LARP1: variants seen among roughly 807,000 people sequenced by gnomAD.
LARP1 encodes la-related protein 1.
In LARP1, 36 loss-of-function variants were observed where a neutral mutation model predicts 122.7. The ratio of observed to expected loss-of-function variants is 0.29; its 90% confidence interval spans 0.22 to 0.39. The LOEUF (loss-of-function observed/expected upper bound fraction) is 0.39, where lower values mean the gene tolerates loss of function less well. Ranked by LOEUF, LARP1 falls within the 10% of genes least tolerant of loss-of-function variation. The probability of loss-of-function intolerance (pLI) is 1.00; values close to 1 mark genes in which losing one functional copy is unlikely to be tolerated. For missense variants in LARP1, 1,040 were observed against 1,403.6 expected (o/e 0.74, Z 4.14); for synonymous variants, 539 against 528.7 (o/e 1.02, Z -0.27).
intron 1 of LARP1, among the ~76,000 whole-genome samples, chr5:154,747,803 G>T (rs999333530): frequency 6.6e-6 from 1 of 152,170 alleles, no homozygotes; most frequent in African/African-American, 2.4e-5. Flanking sequence ...GGCGGAGACT[G>T]CAGTGAGCCA....
intron 1 of LARP1, among the ~76,000 whole-genome samples, chr5:154,782,257 G>C (rs1756511102): frequency 6.6e-6 from 1 of 152,230 alleles, no homozygotes; most frequent in Non-Finnish European, 1.5e-5. Flanking sequence ...TATTATTACT[G>C]TTCTAACTAG....
intron 1 of LARP1, among the ~76,000 whole-genome samples, chr5:154,722,682 T>G (rs1755949500): frequency 6.7e-6 from 1 of 148,606 alleles, no homozygotes; most frequent in Admixed American, 6.7e-5. Flanking sequence ...TCCTAGGTTT[T>G]TTTTTTTTTT....
chr5:154,789,251 G>C (rs1238125468), intron 1 of LARP1, among the ~76,000 whole-genome samples: 2 of 99,580 alleles, frequency 2.0e-5, no homozygotes, highest in Admixed American at 2.7e-4. Context: ...AGACAGTCTT[G>C]CTCCGTCGCC....
intron 1 of LARP1, among the ~76,000 whole-genome samples, chr5:154,767,011 C>G (rs911512826): frequency 6.6e-6 from 1 of 152,200 alleles, no homozygotes; most frequent in African/African-American, 2.4e-5. Flanking sequence ...GGATTCCAGT[C>G]AATTCAAAGT....
intron 1 of LARP1, among the ~76,000 whole-genome samples, chr5:154,741,023 T>A (rs1173535626): frequency 2.0e-5 from 3 of 152,162 alleles, no homozygotes; most frequent in Non-Finnish European, 4.4e-5. Context: ...GGAGAACAGG[T>A]GGCTGTGCAT....
At chr5:154,687,388 G>T (rs192831192) in intron 1 of LARP1, among the ~76,000 whole-genome samples, 88 of 152,224 alleles carry the variant, frequency 5.8e-4, no homozygotes, top group Non-Finnish European at 1.1e-3. Flanking sequence ...TGTGTTGTGT[G>T]TGTGTGTTTG....
Position 154,803,631 on chromosome 5 carries a change from A to G in LARP1, c.2325A>G (p.Pro775=), listed in dbSNP as rs1328925229. 3 of 1,614,024 alleles carry G rather than the reference A, an allele frequency of 1.9e-6. No homozygotes were observed. Among genetic ancestry groups the G allele is most frequent in the South Asian group, 1.1e-5 (1 of 91,078 alleles). ...TACCAACCACTGTCCCAGAGTCACC[A>G]AACTACCGCAACACCAGGACCCCTC... ...RSLPTTVPES[P]NYRNTRTPRT... Residue 775 remains proline, a synonymous_variant, in exon 13 of 19, where the codon CCA becomes CCG. Coordinates refer to ENST00000518297, the MANE Select transcript of LARP1 (RefSeq NM_033551.3). The surrounding 1 kb of genome is among the most constrained non-coding windows in gnomAD (Gnocchi z 4.4).
Position 154,755,828 on chromosome 5 carries a change from TG to T in LARP1, c.73del (p.Val25Ter). 1 of 1,000,390 alleles carries T rather than the reference TG, an allele frequency of 1.0e-6. No individual in the cohort carries two copies. The highest frequency in any genetic ancestry group is 1.2e-6 in the Non-Finnish European group (1 of 838,684). The allele number at this position is 1,000,390 out of a possible 1,614,324, so 62.0% of individuals were successfully genotyped here. A position where few individuals can be genotyped will look rare whatever the true frequency, so the allele number is the denominator to read the frequency against. On this transcript the variant is annotated frameshift_variant, in exon 1 of 19. Transcript: ENST00000518297. LOFTEE classifies it high-confidence loss of function. ...TTGCAGGCCGAAGAGCACGGGGGGC[TG>T]GTGAGGAAGAAGCCGCCGCCGGCGC... ...TLLQAEEHGG[L>X]VRKKPPPAPE...
In LARP1 at chr5:154,791,344, G is replaced by A. The variant is rs538165472; in HGVS notation, c.564+634G>A. On this transcript the variant is annotated intron_variant, in intron 3 of 18. Coordinates refer to ENST00000518297, the MANE Select transcript of LARP1 (RefSeq NM_033551.3). Reference sequence around the variant, plus strand: ...TTCTCCCGCCTCAGCCTCCTGAGTAGCTGGGATTACAGGCACCCACCATCA... The same window carrying A: ...TTCTCCCGCCTCAGCCTCCTGAGTAACTGGGATTACAGGCACCCACCATCA... Among the ~76,000 whole-genome samples, 9 of 152,062 alleles carry A rather than the reference G, an allele frequency of 5.9e-5. No homozygotes were observed. The East Asian group carries it at 1.7e-3, about 29-fold the overall frequency.
Position 154,793,855 on chromosome 5 carries a change from A to G in LARP1, c.924A>G (p.Pro308=). 6.2e-7 allele frequency: 1 copy of G among 1,613,832 alleles called. No homozygotes were observed. The highest frequency in any genetic ancestry group is 1.1e-5 in the South Asian group (1 of 91,084). ...PVAPPTPAWQ[P]EIKPEPAWHD... ...CCCCCCCCACCCCAGCCTGGCAACC[A>G]GAGATCAAACCGGAGCCTGCCTGGC... is the stretch of plus-strand genomic sequence containing the variant. Residue 308 remains proline (P), a synonymous_variant, in exon 6 of 19, where the codon CCA becomes CCG. Coordinates refer to ENST00000518297, the MANE Select transcript of LARP1 (RefSeq NM_033551.3).
chr5:154,793,655 A>T lies in LARP1; in HGVS notation c.800A>T (p.Lys267Ile). ...ATGAAGCCTGAAGTGCCCAGAGAGA[A>T]ACTGGCTTCACGCCCCACTCGCCCA... is the stretch of plus-strand genomic sequence containing the variant. Reference protein sequence around the residue: ...IDMKPEVPREKLASRPTRPPE... With the variant: ...IDMKPEVPREILASRPTRPPE... Residue 267 changes from lysine (K) to isoleucine (I), a missense_variant, in exon 5 of 19, where the codon AAA becomes ATA. By Grantham distance (102) the Lys-to-Ile change is moderately radical. Transcript: ENST00000518297. The T allele has an allele frequency of 6.2e-7, 1 of 1,614,138 alleles. No individual in the cohort carries two copies. Among genetic ancestry groups the T allele is most frequent in the Non-Finnish European group, 8.5e-7 (1 of 1,180,012 alleles).
At chr5:154,710,729 T>A (rs1301250579), upstream of LARP1, among the ~76,000 whole-genome samples, 1 of 113,054 alleles carries the variant, frequency 8.8e-6, no homozygotes, top group African/African-American at 3.7e-5. Context: ...GGCGACAGAG[T>A]GAGACTCCAT....
At chr5:154,723,839 G>A (rs1164476957) in intron 1 of LARP1, among the ~76,000 whole-genome samples, 3 of 152,166 alleles carry the variant, frequency 2.0e-5, no homozygotes, top group Non-Finnish European at 4.4e-5. Context: ...TGCGGAACAA[G>A]TGGGGAGAGA....
rs1365400685 is a variant in LARP1 at position 154,795,159 on chromosome 5, T to C, written c.1233-16T>C. 1 of 1,612,786 alleles carries C rather than the reference T, an allele frequency of 6.2e-7. No homozygotes were observed. The highest frequency in any genetic ancestry group is 2.2e-5 in the East Asian group (1 of 44,884). On this transcript the variant is annotated splice_polypyrimidine_tract_variant and intron_variant, in intron 7 of 18. Coordinates refer to ENST00000518297, the MANE Select transcript of LARP1 (RefSeq NM_033551.3). ...CACCAATCCCTCGGTGATAACTACT[T>C]CTTCCCTCCACTTAGTGAATACTAC...
chr5:154,800,037 C>T lies in LARP1; in HGVS notation c.1711C>T (p.Pro571Ser). 1 of 1,613,130 alleles carries T rather than the reference C, an allele frequency of 6.2e-7. No homozygotes were observed. The highest frequency in any genetic ancestry group is 8.5e-7 in the Non-Finnish European group (1 of 1,179,772). ...KKRPRPSPARPKKSEESRFSH... is the reference protein window; with the variant it reads ...KKRPRPSPARSKKSEESRFSH... The stretch of plus-strand genomic sequence containing the variant: ...GAGGCCTCGGCCATCCCCAGCACGG[C>T]CCAAGGTGGGTGAGGCCTTGTCCCT... Residue 571 changes from proline to serine, a missense_variant, in exon 10 of 19, where the codon CCC becomes TCC. Physicochemically the swap from Pro to Ser is moderately conservative, Grantham distance 74. Transcript: ENST00000518297.
intron 1 of LARP1, among the ~76,000 whole-genome samples, chr5:154,722,130 G>A (rs200053950): frequency 1.3e-5 from 2 of 152,150 alleles, no homozygotes; most frequent in East Asian, 3.8e-4. Context: ...CTACTGTAAA[G>A]TCCTTAGTGA....
At chr5:154,739,010 TTTTG>T (rs752425603) in intron 1 of LARP1, among the ~76,000 whole-genome samples, 95 of 151,734 alleles carry the variant, frequency 6.3e-4, no homozygotes, top group African/African-American at 1.4e-3. Context: ...ACTGGACAGT[TTTTG>T]TTTGTTTGTT....
chr5:154,796,082 TTA>T (rs554699118), intron 8 of LARP1, among the ~76,000 whole-genome samples: 3,416 of 94,474 alleles, frequency 0.036, 64 homozygotes, highest in Non-Finnish European at 0.048. Flanking sequence ...AGTATATATA[TTA>T]TATATATATT....
At chr5:154,724,103 G>A (rs1040175719) in intron 1 of LARP1, among the ~76,000 whole-genome samples, 3 of 152,230 alleles carry the variant, frequency 2.0e-5, no homozygotes, top group African/African-American at 7.2e-5. Flanking sequence ...AACGGGAAAG[G>A]TGGTGAGATT....
Sources: gnomAD v4.1 joint callset for allele counts (sites outside exome capture counted in the v4.1 genomes callset) on GRCh38, gnomAD v4.1.1 for gene constraint, Gnocchi (gnomAD v3.1) non-coding constraint, MANE v1.5 for transcripts, NCBI Gene and HGNC (gene_info 2026-07-23, HGNC 2026-07-21) for gene names.